ADAMTSL1: variants seen among roughly 807,000 people sequenced by gnomAD.
The protein encoded by ADAMTSL1 is ADAMTS like 1, also known as ADAMTS-like protein 1.
A neutral mutation model predicts 201.8 loss-of-function variants in ADAMTSL1; 126 were observed. The observed-to-expected ratio is 0.62, with a 90% CI of 0.54 to 0.72. The LOEUF is 0.72. Among genes scored for constraint, ADAMTSL1 ranks in the 30% least tolerant of loss-of-function variants. The pLI, the probability that ADAMTSL1 is intolerant of heterozygous loss-of-function variation, is 0.00. For missense variants in ADAMTSL1, 2,679 were observed against 2,277.8 expected (o/e 1.18, Z -3.59); for synonymous variants, 1,121 against 903.4 (o/e 1.24, Z -4.32).
chr9:18,291,543 T>C (rs918391027), intron 2 of ADAMTSL1, among the ~76,000 whole-genome samples: 8 of 152,190 alleles, frequency 5.3e-5, no homozygotes, highest in Non-Finnish European at 8.8e-5. Flanking sequence ...TTGAACCATT[T>C]CGTGCATTTC....
intron 3 of ADAMTSL1, among the ~76,000 whole-genome samples, chr9:18,546,466 T>G (rs1418937152): frequency 6.6e-6 from 1 of 152,090 alleles, no homozygotes; most frequent in Non-Finnish European, 1.5e-5. Flanking sequence ...GAATCTTCAC[T>G]GAGTAAATAT....
intron 1 of ADAMTSL1, among the ~76,000 whole-genome samples, chr9:18,145,900 C>T (rs1379884355): frequency 3.3e-5 from 5 of 151,972 alleles, no homozygotes; most frequent in Admixed American, 6.6e-5. Context: ...TAAAACTCAA[C>T]AATAAGAAAA....
intron 2 of ADAMTSL1, among the ~76,000 whole-genome samples, chr9:18,175,514 A>G (rs945974911): frequency 6.6e-6 from 1 of 152,182 alleles, no homozygotes; most frequent in African/African-American, 2.4e-5. Flanking sequence ...CCTTAGTCTG[A>G]TTCCTACTTA....
rs377554534 is a variant in ADAMTSL1, at chr9:18,040,490, G to A, written c.88-123372G>A. 1.6e-3 allele frequency among the ~76,000 whole-genome samples: 237 copies of A among 152,270 alleles called. 6 individuals carry two copies. In the South Asian group the frequency reaches 0.046, roughly 29 times the overall value. The stretch of plus-strand genomic sequence containing the variant: ...CTTCAGGCCACCAGCATGCTGGGCC[G>A]GTAGGAATCATGGGAAATTATACAT... On this transcript the variant is annotated intron_variant, in intron 1 of 29. Coordinates refer to the ADAMTSL1 transcript ENST00000680146.
intron 2 of ADAMTSL1, among the ~76,000 whole-genome samples, chr9:18,465,484 C>T (rs1372426816): frequency 6.6e-6 from 1 of 152,184 alleles, no homozygotes; most frequent in Non-Finnish European, 1.5e-5. Flanking sequence ...CTCCAGCCTT[C>T]ACATCATCAT....
chr9:18,477,697 C>T (rs117936468), intron 1 of ADAMTSL1, among the ~76,000 whole-genome samples: 1,945 of 152,316 alleles, frequency 0.013, 12 homozygotes, highest in Non-Finnish European at 0.02. Context: ...ATCTACAGAA[C>T]GCTATGAAGC....
chr9:18,267,793 A>T (rs7862346), intron 2 of ADAMTSL1, among the ~76,000 whole-genome samples: 2 of 148,256 alleles, frequency 1.3e-5, no homozygotes, highest in South Asian at 2.1e-4. Flanking sequence ...AAAACAAAAA[A>T]ACCTTAATCT....
At chr9:18,438,499 G>C (rs1819850317) in intron 2 of ADAMTSL1, among the ~76,000 whole-genome samples, 1 of 152,116 alleles carries the variant, frequency 6.6e-6, no homozygotes, top group African/African-American at 2.4e-5. Flanking sequence ...AGCAGGACCT[G>C]ACGGCAGTAT....
chr9:18,078,611 C>G (rs1306937083), intron 1 of ADAMTSL1, among the ~76,000 whole-genome samples: 2 of 152,150 alleles, frequency 1.3e-5, no homozygotes, highest in African/African-American at 4.8e-5. Context: ...ATATTTAAAG[C>G]TGTATCACTT....
chr9:18,503,563 T>C (rs1371069973), intron 1 of ADAMTSL1, among the ~76,000 whole-genome samples: 2 of 151,990 alleles, frequency 1.3e-5, no homozygotes, highest in Non-Finnish European at 1.5e-5. Flanking sequence ...ATTGTTGTAG[T>C]ATCTTTATTA....
chr9:18,191,285 C>T (rs528307848), intron 2 of ADAMTSL1, among the ~76,000 whole-genome samples: 3 of 152,122 alleles, frequency 2.0e-5, no homozygotes, highest in Non-Finnish European at 2.9e-5. Flanking sequence ...CTAGTAGGAG[C>T]TTCTGTTGAT....
intron 2 of ADAMTSL1, among the ~76,000 whole-genome samples, chr9:18,527,196 G>C (rs974201080): frequency 6.6e-6 from 1 of 152,192 alleles, no homozygotes; most frequent in African/African-American, 2.4e-5. Flanking sequence ...CCATAAGTCC[G>C]TATTTGAAAA....
intron 2 of ADAMTSL1, among the ~76,000 whole-genome samples, chr9:18,289,902 T>C (rs1833182918): frequency 6.6e-6 from 1 of 152,188 alleles, no homozygotes; most frequent in African/African-American, 2.4e-5. Flanking sequence ...AATACAATGA[T>C]TGCAAAGGTA....
At chr9:18,383,673 T>A (rs1014147271) in intron 2 of ADAMTSL1, among the ~76,000 whole-genome samples, 5 of 152,158 alleles carry the variant, frequency 3.3e-5, no homozygotes, top group African/African-American at 9.7e-5. Flanking sequence ...ATTAATCAGA[T>A]CTTTGCCACA....
At chr9:18,823,749 A>G (rs1588170010) in intron 21 of ADAMTSL1, among the ~76,000 whole-genome samples, 1 of 152,148 alleles carries the variant, frequency 6.6e-6, no homozygotes, top group Non-Finnish European at 1.5e-5. Flanking sequence ...AACACTTTGG[A>G]AGGCCAAGGC....
At chr9:18,530,071 A>G (rs1017709862) in intron 2 of ADAMTSL1, among the ~76,000 whole-genome samples, 2 of 152,172 alleles carry the variant, frequency 1.3e-5, no homozygotes, top group South Asian at 2.1e-4. Flanking sequence ...AAACTATTGA[A>G]ACAAGTATTT....
chr9:18,128,473 C>T (rs1471730521), intron 1 of ADAMTSL1, among the ~76,000 whole-genome samples: 4 of 152,130 alleles, frequency 2.6e-5, no homozygotes, highest in Non-Finnish European at 5.9e-5. Context: ...AGTGATTCTC[C>T]CACCTCAGTC....
chr9:18,866,631 G>C (rs1478663314), intron 23 of ADAMTSL1, among the ~76,000 whole-genome samples: 1 of 152,186 alleles, frequency 6.6e-6, no homozygotes, highest in South Asian at 2.1e-4. Flanking sequence ...CTGATGTGAA[G>C]GGAAATACAG....
chr9:18,210,257 C>G (rs1563809816), intron 2 of ADAMTSL1, among the ~76,000 whole-genome samples: 2 of 150,972 alleles, frequency 1.3e-5, no homozygotes, highest in African/African-American at 4.9e-5. Flanking sequence ...TAAAACATGT[C>G]AGAGTTTTTA....
Sources: allele counts gnomAD v4.1 joint callset (sites outside exome capture counted in the v4.1 genomes callset), GRCh38; gene constraint gnomAD v4.1.1; transcripts MANE v1.5; gene names NCBI Gene and HGNC (gene_info 2026-07-23, HGNC 2026-07-21).